RIMS2: variants seen among roughly 807,000 people sequenced by gnomAD.
RIMS2 encodes the protein regulating synaptic membrane exocytosis protein 2.
Under a neutral mutation model 174.4 loss-of-function variants are expected in RIMS2, and 59 were observed. The observed-to-expected ratio is 0.34, with a 90% CI of 0.27 to 0.42. The LOEUF (loss-of-function observed/expected upper bound fraction) is 0.42, where lower values mean the gene tolerates loss of function less well. Among genes scored for constraint, RIMS2 ranks in the 10% least tolerant of loss-of-function variants. RIMS2 has a pLI of 1.00. For synonymous variants in RIMS2, 606 were observed against 572.5 expected, an observed-to-expected ratio of 1.06 and a Z score of -0.84; for missense variants, 1,620 against 1,666.3, an observed-to-expected ratio of 0.97 and a Z score of 0.48.
At chr8:103,715,191 T>C (rs2097353402) in intron 2 of RIMS2, among the ~76,000 whole-genome samples, 1 of 152,182 alleles carries the variant, frequency 6.6e-6, no homozygotes. Context: ...TCAGGATACA[T>C]GTGTAGGATG....
Position 103,785,845 on chromosome 8 carries a change from G to T in RIMS2, c.698+19308G>T, listed in dbSNP as rs956144957. Among the ~76,000 whole-genome samples the T allele has an allele frequency of 9.8e-5, 15 of 152,304 alleles. No individual in the cohort carries two copies. The South Asian group carries it at 3.1e-3, about 32-fold the overall frequency. ...GATTGGAATAGTTTCAGAAGGAATGGTACCAGTTCCTCCTTGTATCTCTGG... is the reference window on the plus strand; with the variant it reads ...GATTGGAATAGTTTCAGAAGGAATGTTACCAGTTCCTCCTTGTATCTCTGG... On this transcript the variant is annotated intron_variant, in intron 3 of 23. Coordinates refer to ENST00000504942, the Ensembl canonical transcript of RIMS2.
chr8:104,168,617 T>C (rs2098811831), intron 19 of RIMS2, among the ~76,000 whole-genome samples: 1 of 152,106 alleles, frequency 6.6e-6, no homozygotes, highest in Admixed American at 6.6e-5. Context: ...CAGTTTGACT[T>C]CCTCTTTTCC....
intron 3 of RIMS2, among the ~76,000 whole-genome samples, chr8:103,820,706 A>C (rs904385115): frequency 2.3e-4 from 35 of 151,818 alleles, no homozygotes; most frequent in African/African-American, 8.4e-4. Context: ...TTTCTTATAA[A>C]ATTTCACTTT....
At chr8:103,968,724 ATTC>A (rs1357636107) in intron 15 of RIMS2, among the ~76,000 whole-genome samples, 3 of 151,926 alleles carry the variant, frequency 2.0e-5, no homozygotes, top group Non-Finnish European at 2.9e-5. Context: ...CTTTGAATTA[ATTC>A]TTATCTGTTA....
chr8:103,991,017 T>A lies in RIMS2; in HGVS notation c.3044+1596T>A, dbSNP rs533749087. Among the ~76,000 whole-genome samples the A allele has an allele frequency of 5.3e-5, 8 of 152,058 alleles. No homozygotes were observed. The East Asian group carries it at 1.5e-3, about 29-fold the overall frequency. On this transcript the variant is annotated intron_variant, in intron 17 of 23. Coordinates refer to ENST00000504942, the Ensembl canonical transcript of RIMS2. ...AAGCTTCCTATTAAAGCCTAGATGA[T>A]TAATCCTTGGTATTAGTTAATATGG...
chr8:104,081,316 C>T (rs1404046820), intron 19 of RIMS2, among the ~76,000 whole-genome samples: 1 of 151,954 alleles, frequency 6.6e-6, no homozygotes, highest in Non-Finnish European at 1.5e-5. Context: ...TTCAATAGAA[C>T]ATAAAACATG....
intron 3 of RIMS2, among the ~76,000 whole-genome samples, chr8:103,873,833 A>T (rs1295572286): frequency 6.6e-6 from 1 of 152,234 alleles, no homozygotes; most frequent in South Asian, 2.1e-4. Context: ...TCATAGAAAC[A>T]GGGCTCAGAA....
At chr8:104,015,518 A>C (rs2095876727) in intron 19 of RIMS2, 2 of 616,842 alleles carry the variant, frequency 3.2e-6, no homozygotes, top group Middle Eastern at 2.5e-4. Context: ...TAGTAAGCAA[A>C]AATAAACCCA....
intron 19 of RIMS2, among the ~76,000 whole-genome samples, chr8:104,099,987 T>G (rs1033741972): frequency 3.3e-5 from 5 of 151,820 alleles, no homozygotes; most frequent in African/African-American, 1.2e-4. Flanking sequence ...CCAGCTAATT[T>G]TTTAAAAATT....
At chr8:103,503,867 G>A (rs1435018384) in intron 1 of RIMS2, among the ~76,000 whole-genome samples, 1 of 152,008 alleles carries the variant, frequency 6.6e-6, no homozygotes, top group Non-Finnish European at 1.5e-5. Context: ...AGAGAACTGA[G>A]TGATCAAAAC....
intron 19 of RIMS2, among the ~76,000 whole-genome samples, chr8:104,113,651 A>C (rs1222301476): frequency 6.6e-6 from 1 of 151,946 alleles, no homozygotes; most frequent in African/African-American, 2.4e-5. Flanking sequence ...CACTGACTAT[A>C]TATATAAAGT....
chr8:103,824,587 A>G (rs2098775062), intron 3 of RIMS2, among the ~76,000 whole-genome samples: 1 of 152,186 alleles, frequency 6.6e-6, no homozygotes, highest in African/African-American at 2.4e-5. Context: ...TATTTTGCCT[A>G]GTGTGTTTTA....
intron 19 of RIMS2, among the ~76,000 whole-genome samples, chr8:104,137,162 CTG>C (rs1462486303): frequency 6.6e-6 from 1 of 152,096 alleles, no homozygotes; most frequent in Non-Finnish European, 1.5e-5. Flanking sequence ...ATCTGAGGGA[CTG>C]TTTCTTCAAG....
At chr8:104,148,093 T>C (rs1363397716) in intron 19 of RIMS2, among the ~76,000 whole-genome samples, 1 of 152,032 alleles carries the variant, frequency 6.6e-6, no homozygotes, top group African/African-American at 2.4e-5. Context: ...TTTTAGAAAA[T>C]TTAACCATTA....
At chr8:103,565,547 C>T (rs745725819) in intron 1 of RIMS2, among the ~76,000 whole-genome samples, 1 of 152,174 alleles carries the variant, frequency 6.6e-6, no homozygotes, top group Non-Finnish European at 1.5e-5. Context: ...TTCAAGCAAT[C>T]TGCCCACCTT....
In RIMS2 at chr8:103,721,424, A is replaced by G. The variant is rs575008838; in HGVS notation, c.387+24128A>G. ...AAAATTCTGTGAATTAAAATATCCTATAGGGCAATTATAAAAAGTGTATAT... is the reference window on the plus strand; with the variant it reads ...AAAATTCTGTGAATTAAAATATCCTGTAGGGCAATTATAAAAAGTGTATAT... On this transcript the variant is annotated intron_variant, in intron 2 of 23. Coordinates refer to ENST00000504942, the Ensembl canonical transcript of RIMS2. Among the ~76,000 whole-genome samples, 3 of 152,360 alleles carry G rather than the reference A, an allele frequency of 2.0e-5. No individual in the cohort carries two copies. In the East Asian group the frequency reaches 5.8e-4, roughly 29 times the overall value.
At position 104,166,579 on chromosome 8, in the gene RIMS2, C is replaced by T. The variant is rs147807088; in HGVS notation, c.3335-78337C>T. Among the ~76,000 whole-genome samples the T allele has an allele frequency of 1.3e-4, 19 of 151,864 alleles. No individual in the cohort carries two copies. In the East Asian group the frequency reaches 3.7e-3, roughly 29 times the overall value. ...ACTTTTTATTTAAGCAAATGGAACCCATTTAACTTTTCGAAGCACAGGACA... is the reference window on the plus strand; with the variant it reads ...ACTTTTTATTTAAGCAAATGGAACCTATTTAACTTTTCGAAGCACAGGACA... On this transcript the variant is annotated intron_variant, in intron 19 of 23. Coordinates refer to ENST00000504942, the Ensembl canonical transcript of RIMS2.
chr8:103,576,861 C>T (rs1431744277), intron 1 of RIMS2, among the ~76,000 whole-genome samples: 13 of 152,138 alleles, frequency 8.5e-5, no homozygotes, highest in South Asian at 2.1e-4. Context: ...TTGGGAAAAC[C>T]GACTAGCCAT....
chr8:104,026,417 G>A (rs1027139308), intron 19 of RIMS2, among the ~76,000 whole-genome samples: 10 of 151,876 alleles, frequency 6.6e-5, no homozygotes, highest in Non-Finnish European at 1.3e-4. Context: ...ATTTTGTTTG[G>A]TTTTGGAAAG....
Sources: gnomAD v4.1 joint callset for allele counts (sites outside exome capture counted in the v4.1 genomes callset) on GRCh38, gnomAD v4.1.1 for gene constraint, MANE v1.5 for transcripts, NCBI Gene and HGNC (gene_info 2026-07-23, HGNC 2026-07-21) for gene names.